The following ABCA13 variants were observed in gnomAD, a reference collection of about 807,000 sequenced individuals.
The protein encoded by ABCA13 is ATP binding cassette subfamily A member 13, also known as ATP-binding cassette sub-family A member 13.
In ABCA13, 476 loss-of-function variants were observed where a neutral mutation model predicts 478.7. That is an observed-to-expected ratio of 0.99 (90% CI 0.92 to 1.07). The LOEUF is 1.07. ABCA13 is among the 50% of genes least tolerant of loss of function. ABCA13 has a pLI of 0.00. For missense variants in ABCA13, 6,060 were observed against 5,910.6 expected (o/e 1.03, Z -0.83); for synonymous variants, 2,252 against 2,158.9 (o/e 1.04, Z -1.20).
In ABCA13 at chr7:48,410,521, T is replaced by C. The variant is rs1563206176; in HGVS notation, c.12072T>C (p.Gly4024=). 3 of 1,613,976 alleles carry C rather than the reference T, an allele frequency of 1.9e-6. No individual in the cohort carries two copies. Among genetic ancestry groups the C allele is most frequent in the Non-Finnish European group, 2.5e-6 (3 of 1,179,868 alleles). The change falls in exon 40 of 62, where the codon GGT becomes GGC. Residue 4024 remains glycine, a splice_region_variant and synonymous_variant. Coordinates refer to ENST00000435803, the MANE Select transcript of ABCA13 (RefSeq NM_152701.5). ...LWDILLKYRE[G]RTIIFTTHHL... Reference sequence around the variant, plus strand: ...GATGCACCCTGTGCTTGGACCCAGGTCGTACGATCATCTTCACAACCCACC... The same window carrying C: ...GATGCACCCTGTGCTTGGACCCAGGCCGTACGATCATCTTCACAACCCACC...
intron 35 of ABCA13, among the ~76,000 whole-genome samples, chr7:48,384,921 A>G (rs1563163489): frequency 6.6e-6 from 1 of 152,138 alleles, no homozygotes; most frequent in African/African-American, 2.4e-5. Context: ...ATTTTCTTTT[A>G]TGAGGACACC....
intron 42 of ABCA13, among the ~76,000 whole-genome samples, chr7:48,436,767 A>G (rs556016844): frequency 4.3e-4 from 65 of 150,478 alleles, no homozygotes; most frequent in African/African-American, 1.5e-3. Context: ...GTGATTTACT[A>G]TTTGATCCAT....
intron 3 of ABCA13, among the ~76,000 whole-genome samples, chr7:48,207,358 T>G (rs1785060494): frequency 6.6e-6 from 1 of 152,132 alleles, no homozygotes; most frequent in Admixed American, 6.5e-5. Flanking sequence ...TATTTCTAGT[T>G]TTTTGAGGAA....
In ABCA13 at chr7:48,207,282, G is replaced by GT. The variant is rs202221105; in HGVS notation, c.287+8932dup. On this transcript the variant is annotated intron_variant, in intron 3 of 61. Coordinates refer to ENST00000435803, the MANE Select transcript of ABCA13 (RefSeq NM_152701.5). The stretch of plus-strand genomic sequence containing the variant: ...TAAACATGAGAGTGCAGATGTCTCT[G>GT]TTTTTTTTTTCCTTTTGGATTGGAT... Among the ~76,000 whole-genome samples the GT allele has an allele frequency of 3.1e-3, 448 of 144,402 alleles. 4 individuals carry two copies. Among genetic ancestry groups the GT allele is most frequent in the Non-Finnish European group, 5.0e-3 (323 of 64,686 alleles). The allele number at this position is 144,402 out of a possible 152,430, so 94.7% of individuals were successfully genotyped here. A position where few individuals can be genotyped will look rare whatever the true frequency, so the allele number is the denominator to read the frequency against.
intron 23 of ABCA13, among the ~76,000 whole-genome samples, chr7:48,308,858 A>G (rs1474785542): frequency 6.6e-6 from 1 of 150,648 alleles, no homozygotes; most frequent in Non-Finnish European, 1.5e-5. Context: ...CAGTACAGTG[A>G]CACGCTGTAC....
intron 1 of ABCA13, among the ~76,000 whole-genome samples, chr7:48,183,978 G>T (rs949346544): frequency 2.0e-5 from 3 of 152,166 alleles, no homozygotes; most frequent in Admixed American, 6.5e-5. Context: ...TAATCTAACA[G>T]AATTAATATG....
At chr7:48,453,235 ATT>A (rs33949393) in intron 42 of ABCA13, among the ~76,000 whole-genome samples, 13 of 145,320 alleles carry the variant, frequency 8.9e-5, no homozygotes, top group East Asian at 4.0e-4. Context: ...GGAGATTGGG[ATT>A]TTTTTTTTTT....
At chr7:48,232,163 T>TTTTTTTTTTTTTTTG (rs1789235169) in intron 7 of ABCA13, among the ~76,000 whole-genome samples, 1 of 138,950 alleles carries the variant, frequency 7.2e-6, no homozygotes, top group Non-Finnish European at 1.6e-5. Context: ...TTTTTTTTTT[T>TTTTTTTTTTTTTTTG]TAGCTTTCTG....
At position 48,244,419 on chromosome 7, in the gene ABCA13, G is replaced by A. The variant is rs77403635; in HGVS notation, c.1263-157G>A. 9.4e-3 allele frequency among the ~76,000 whole-genome samples: 1,435 copies of A among 152,314 alleles called. 5 individuals carry two copies. Among genetic ancestry groups the A allele is most frequent in the Middle Eastern group, 0.027 (8 of 294 alleles). ...CCAATCAGGTGACTCAATGCAATTT[G>A]TCAAGAACCTGGTTGTGTGATGAAG... On this transcript the variant is annotated intron_variant, in intron 10 of 61. Coordinates refer to ENST00000435803, the MANE Select transcript of ABCA13 (RefSeq NM_152701.5).
intron 8 of ABCA13, among the ~76,000 whole-genome samples, chr7:48,237,309 C>G (rs200380157): frequency 6.6e-6 from 1 of 151,782 alleles, no homozygotes; most frequent in Non-Finnish European, 1.5e-5. Context: ...TAGCAGCATT[C>G]AAGCCACTCT....
chr7:48,440,732 A>G (rs1382116167), intron 42 of ABCA13, among the ~76,000 whole-genome samples: 1 of 151,802 alleles, frequency 6.6e-6, no homozygotes, highest in Non-Finnish European at 1.5e-5. Flanking sequence ...TAGGATATAT[A>G]TATCCTCTTT....
rs75118879 is a variant in ABCA13, at chr7:48,451,502, C to T, written c.12566-3535C>T. On this transcript the variant is annotated intron_variant, in intron 42 of 61. Transcript: ENST00000435803. ...CAATAATATTAGATGTTAACATTAT[C>T]TTTAATCTTTACTATATTGATTAGT... is the stretch of plus-strand genomic sequence containing the variant. Among the ~76,000 whole-genome samples the T allele has an allele frequency of 7.8e-3, 1,192 of 152,228 alleles. 13 individuals carry two copies. Among genetic ancestry groups the T allele is most frequent in the African/African-American group, 0.027 (1,125 of 41,548 alleles).
chr7:48,645,681 C>A lies in ABCA13; in HGVS notation c.*169C>A. 3.3e-6 allele frequency: 2 copies of A among 611,246 alleles called. No individual in the cohort carries two copies. Among genetic ancestry groups the A allele is most frequent in the Non-Finnish European group, 2.8e-6 (1 of 358,896 alleles). The allele number at this position is 611,246 out of a possible 1,614,324, so 37.9% of individuals were successfully genotyped here. A position where few individuals can be genotyped will look rare whatever the true frequency, so the allele number is the denominator to read the frequency against. On this transcript the variant is annotated 3_prime_UTR_variant, in exon 62 of 62. Transcript: ENST00000435803. ...GAATCTCCTTGTTAGTTAATAACCA[C>A]CAAATGGAAAGGTCATTCTTTCTGC...
intron 48 of ABCA13, among the ~76,000 whole-genome samples, chr7:48,493,331 GC>G (rs1442816152): frequency 6.6e-6 from 1 of 152,006 alleles, no homozygotes; most frequent in African/African-American, 2.4e-5. Context: ...ATATGTACTT[GC>G]TTCTTTCGTT....
At chr7:48,403,572 T>C (rs1817883689) in intron 38 of ABCA13, 111 bp from the exon 39 acceptor site, 2 of 1,075,062 alleles carry the variant, frequency 1.9e-6, no homozygotes, top group East Asian at 5.3e-5. Flanking sequence ...CTGTGATATA[T>C]TTGTGGTTTA....
intron 32 of ABCA13, among the ~76,000 whole-genome samples, chr7:48,369,214 G>T (rs1211220596): frequency 2.0e-5 from 3 of 152,010 alleles, no homozygotes; most frequent in African/African-American, 4.8e-5. Flanking sequence ...TTTGAGAATT[G>T]TCTGTTCACG....
rs1035982466 is a variant in ABCA13, at chr7:48,537,535, G to A, written c.14354+9190G>A. ...GAAGGAGTTTTTATCCCTGACGCAG[G>A]TAGCCCCTACTGCTGTGTCATTCCC... On this transcript the variant is annotated intron_variant, in intron 55 of 61. Coordinates refer to ENST00000435803, the MANE Select transcript of ABCA13 (RefSeq NM_152701.5). Among the ~76,000 whole-genome samples, 4 of 152,138 alleles carry A rather than the reference G, an allele frequency of 2.6e-5. No individual in the cohort carries two copies. The East Asian group carries it at 7.7e-4, about 29-fold the overall frequency.
At chr7:48,444,658 A>C (rs1438913389) in intron 42 of ABCA13, among the ~76,000 whole-genome samples, 2 of 152,060 alleles carry the variant, frequency 1.3e-5, no homozygotes, top group Non-Finnish European at 1.5e-5. Flanking sequence ...TTTGTCCCTA[A>C]CTGAGGTTTC....
intron 15 of ABCA13, among the ~76,000 whole-genome samples, chr7:48,249,662 A>G (rs993023979): frequency 6.6e-5 from 10 of 152,148 alleles, no homozygotes; most frequent in African/African-American, 2.4e-4. Context: ...GATCCTACTC[A>G]CAAGAGTCCA....
Sources: allele counts gnomAD v4.1 joint callset (sites outside exome capture counted in the v4.1 genomes callset), GRCh38; gene constraint gnomAD v4.1.1; transcripts MANE v1.5; gene names NCBI Gene and HGNC (gene_info 2026-07-23, HGNC 2026-07-21).